MORC1: variants seen among roughly 807,000 people sequenced by gnomAD.
MORC1 encodes MORC family CW-type zinc finger protein 1.
A neutral mutation model predicts 134.9 loss-of-function variants in MORC1; 59 were observed. The ratio of observed to expected loss-of-function variants is 0.44; its 90% confidence interval spans 0.35 to 0.54. MORC1 has a LOEUF of 0.54. Ranked by LOEUF, MORC1 falls within the 20% of genes least tolerant of loss-of-function variation. MORC1 has a pLI of 0.00. For missense variants in MORC1, 947 were observed against 1,134.5 expected (o/e 0.83, Z 2.37); for synonymous variants, 395 against 391.7 (o/e 1.01, Z -0.10).
intron 24 of MORC1, among the ~76,000 whole-genome samples, chr3:108,977,677 C>T (rs1947599631): frequency 1.3e-5 from 2 of 152,084 alleles, no homozygotes; most frequent in South Asian, 4.1e-4. Flanking sequence ...GCTTTAGTGA[C>T]CAACCAATAG....
chr3:108,990,596 A>G (rs1319969791), intron 21 of MORC1, among the ~76,000 whole-genome samples: 2 of 151,994 alleles, frequency 1.3e-5, no homozygotes, highest in Admixed American at 6.6e-5. Flanking sequence ...TTTTCTCCCT[A>G]ATACTTGTCA....
intron 21 of MORC1, among the ~76,000 whole-genome samples, chr3:108,999,981 C>G (rs1013442711): frequency 5.3e-5 from 8 of 151,970 alleles, no homozygotes; most frequent in Admixed American, 2.6e-4. Flanking sequence ...TCCTAAACAC[C>G]AAGGGCTTTT....
intron 20 of MORC1, among the ~76,000 whole-genome samples, chr3:109,003,111 T>G (rs1948447991): frequency 6.6e-6 from 1 of 152,122 alleles, no homozygotes; most frequent in African/African-American, 2.4e-5. Flanking sequence ...TCATAAAAAC[T>G]GCCATAGTAG....
intron 24 of MORC1, 99 bp from the exon 25 acceptor site, chr3:108,971,501 T>A: frequency 2.1e-6 from 2 of 954,516 alleles, no homozygotes; most frequent in Non-Finnish European, 3.2e-6. Context: ...TTAAATATCC[T>A]GGCAAAGATG....
chr3:108,983,682 A>T (rs1350217561), intron 23 of MORC1, among the ~76,000 whole-genome samples: 2 of 152,166 alleles, frequency 1.3e-5, no homozygotes, highest in East Asian at 3.8e-4. Context: ...CTACGGAACA[A>T]ATTACAATAT....
intron 3 of MORC1, among the ~76,000 whole-genome samples, chr3:109,108,375 G>T (rs1252376008): frequency 6.6e-6 from 1 of 152,140 alleles, no homozygotes; most frequent in Non-Finnish European, 1.5e-5. Context: ...TATATTTTGT[G>T]ACTATGGATA....
chr3:109,053,522 A>G (rs762136452), intron 14 of MORC1, among the ~76,000 whole-genome samples: 6 of 104,650 alleles, frequency 5.7e-5, no homozygotes, highest in African/African-American at 2.2e-4. Context: ...ACTAATGCAG[A>G]AAAAAAAAAC....
chr3:109,044,105 G>A (rs957353555), intron 14 of MORC1, among the ~76,000 whole-genome samples: 3 of 152,010 alleles, frequency 2.0e-5, no homozygotes, highest in African/African-American at 7.3e-5. Context: ...AGGATAATCC[G>A]GGATTAATGC....
chr3:108,964,711 G>C (rs532133200), intron 26 of MORC1, among the ~76,000 whole-genome samples: 1 of 152,134 alleles, frequency 6.6e-6, no homozygotes, highest in Admixed American at 6.6e-5. Context: ...TACAGTCTTT[G>C]CCCTCAAGAA....
chr3:109,023,148 G>A (rs1948998009), intron 17 of MORC1, among the ~76,000 whole-genome samples: 1 of 152,206 alleles, frequency 6.6e-6, no homozygotes, highest in South Asian at 2.1e-4. Flanking sequence ...CAATAGTTTT[G>A]GATCTTGAAG....
intron 27 of MORC1, among the ~76,000 whole-genome samples, chr3:108,963,187 C>CAA (rs34109895): frequency 2.7e-5 from 3 of 112,270 alleles, no homozygotes; most frequent in African/African-American, 6.5e-5. Context: ...GACTCCATCT[C>CAA]AAAAAAAAAA....
intron 1 of MORC1, among the ~76,000 whole-genome samples, chr3:109,117,331 C>CAAAAAAAAAAAAAAAAAA (rs202128565): frequency 1.8e-5 from 2 of 113,644 alleles, no homozygotes; most frequent in African/African-American, 3.4e-5. Flanking sequence ...CAAAAGATGT[C>CAAAAAAAAAAAAAAAAAA]AAAAAAAAAA....
intron 14 of MORC1, among the ~76,000 whole-genome samples, chr3:109,047,874 G>A (rs1028713622): frequency 4.6e-5 from 7 of 152,120 alleles, no homozygotes; most frequent in Non-Finnish European, 8.8e-5. Context: ...ATAATAGAAT[G>A]AGAATATAAT....
Position 108,972,581 on chromosome 3 carries a change from A to G in MORC1, c.2478-1179T>C, listed in dbSNP as rs151186813. Among the ~76,000 whole-genome samples, 1,000 of 152,322 alleles carry G rather than the reference A, an allele frequency of 6.6e-3. 15 individuals are homozygous for G. The highest frequency in any genetic ancestry group is 0.023 in the African/African-American group (967 of 41,580). ...GCAAGAAGATAAATGGGGTAGGAAC[A>G]GGATTTAAAAAAGGTGGAGCAGCTT... is the stretch of plus-strand genomic sequence containing the variant. On this transcript the variant is annotated intron_variant, in intron 24 of 27. Coordinates refer to ENST00000232603, the MANE Select transcript of MORC1 (RefSeq NM_014429.4).
chr3:109,037,765 T>A (rs1949412159), intron 14 of MORC1, among the ~76,000 whole-genome samples: 1 of 152,054 alleles, frequency 6.6e-6, no homozygotes, highest in Non-Finnish European at 1.5e-5. Context: ...CTGCAAAGGA[T>A]ATGAACTCAT....
chr3:108,962,595 A>G (rs1947110912), intron 27 of MORC1, among the ~76,000 whole-genome samples: 1 of 152,140 alleles, frequency 6.6e-6, no homozygotes, highest in Non-Finnish European at 1.5e-5. Flanking sequence ...TCCAGCACTC[A>G]GGGCCTATAT....
chr3:109,053,364 G>A (rs1159392728), intron 14 of MORC1, among the ~76,000 whole-genome samples: 2 of 152,040 alleles, frequency 1.3e-5, no homozygotes, highest in Non-Finnish European at 2.9e-5. Context: ...GCAAAGACAC[G>A]GAATCAACCC....
At position 109,097,603 on chromosome 3, in the gene MORC1, T is replaced by TGCAGCACAGGAGAAA. The variant is rs556914702; in HGVS notation, c.423+1740_423+1754dup. On this transcript the variant is annotated intron_variant, in intron 6 of 27. Transcript: ENST00000232603. ...CCACCATGGAAGCAGGAGTGTGAGC[T>TGCAGCACAGGAGAAA]GCAGCACAGGAGAAAGCCCTGAGCA... Among the ~76,000 whole-genome samples the TGCAGCACAGGAGAAA allele has an allele frequency of 3.9e-5, 6 of 152,248 alleles. No homozygotes were observed. The East Asian group carries it at 7.7e-4, about 20-fold the overall frequency.
At chr3:109,034,661 T>C (rs940134603) in intron 15 of MORC1, among the ~76,000 whole-genome samples, 2 of 152,204 alleles carry the variant, frequency 1.3e-5, no homozygotes, top group Non-Finnish European at 2.9e-5. Context: ...CTATTACTAT[T>C]TCACAAACAT....
Sources: allele counts gnomAD v4.1 joint callset (sites outside exome capture counted in the v4.1 genomes callset), GRCh38; gene constraint gnomAD v4.1.1; transcripts MANE v1.5; gene names NCBI Gene and HGNC (gene_info 2026-07-23, HGNC 2026-07-21).